G6PC1: variants seen among roughly 807,000 people sequenced by gnomAD.
G6PC1 encodes glucose-6-phosphatase catalytic subunit 1.
Under a neutral mutation model 30.4 loss-of-function variants are expected in G6PC1, and 23 were observed. That is an observed-to-expected ratio of 0.76 (90% CI 0.55 to 1.07). The LOEUF is 1.07. Among genes scored for constraint, G6PC1 ranks in the 50% least tolerant of loss-of-function variants. G6PC1 has a pLI of 0.00. For synonymous variants in G6PC1, 163 were observed against 175.6 expected (o/e 0.93, Z 0.57); for missense variants, 391 against 433.9 (o/e 0.90, Z 0.88).
In G6PC1 at chr17:42,903,919, G is replaced by A. The variant is rs373908549; in HGVS notation, c.231-12G>A. On this transcript the variant is annotated splice_polypyrimidine_tract_variant and intron_variant, in intron 1 of 4. Transcript: ENST00000253801. ...TTCAGTAACCCCAGAAACTTGTTCT[G>A]TTTTTCCATAGGATTCTCTTTGGAC... 67 of 1,581,684 alleles carry A rather than the reference G, an allele frequency of 4.2e-5. No homozygotes were observed. The highest frequency in any genetic ancestry group is 5.7e-5 in the Non-Finnish European group (66 of 1,150,704).
chr17:42,911,295 C>G lies in G6PC1; in HGVS notation c.943C>G (p.Pro315Ala), dbSNP rs143321486. ...LLHVFDSLKP[P>A]SQVELVFYVL... The stretch of plus-strand genomic sequence containing the variant: ...GCACGTCTTTGACTCCTTGAAACCC[C>G]CATCCCAAGTCGAGCTGGTCTTCTA... Residue 315 changes from proline (P) to alanine (A), a missense_variant, in exon 5 of 5, where the codon CCA becomes GCA. Pro to Ala is a conservative substitution (Grantham distance 27). Transcript: ENST00000253801. 1.9e-4 allele frequency: 312 copies of G among 1,614,200 alleles called. No individual in the cohort carries two copies. Among genetic ancestry groups the G allele is most frequent in the Non-Finnish European group, 2.4e-4 (282 of 1,180,034 alleles).
intron 2 of G6PC1, among the ~76,000 whole-genome samples, chr17:42,907,267 T>C (rs161629): frequency 1 from 152,296 of 152,304 alleles, 76,144 homozygotes; most frequent in Middle Eastern, 1. Context: ...GCTTTGCTCA[T>C]CATTGTATTC....
chr17:42,914,341 G>T lies in G6PC1; in HGVS notation c.*2915G>T, dbSNP rs566449657. 1.3e-5 allele frequency among the ~76,000 whole-genome samples: 2 copies of T among 152,270 alleles called. No individual in the cohort carries two copies. Among genetic ancestry groups the T allele is most frequent in the East Asian group, 1.9e-4 (1 of 5,174 alleles). ...CAAGTCCAAGATCCTTACAAGAAAG[G>T]TCTGCCAGAAAGTAAATACTGCCCC... On this transcript the variant is annotated 3_prime_UTR_variant, in exon 5 of 5. Transcript: ENST00000253801.
chr17:42,901,820 C>T (rs536506902), intron 1 of G6PC1, among the ~76,000 whole-genome samples: 1 of 152,294 alleles, frequency 6.6e-6, no homozygotes, highest in East Asian at 1.9e-4. Flanking sequence ...GGCTCCAGCC[C>T]TCGTTCTGCC....
At chr17:42,908,408 A>AT (rs549810511) in intron 3 of G6PC1, among the ~76,000 whole-genome samples, 4,434 of 133,556 alleles carry the variant, frequency 0.033, 203 homozygotes, top group African/African-American at 0.1. Context: ...TGCCACAGGC[A>AT]TTTTTTTTTT....
In G6PC1 at chr17:42,910,912, C is replaced by G. The variant is rs1597991608; in HGVS notation, c.563-3C>G. On this transcript the variant is annotated splice_polypyrimidine_tract_variant and splice_region_variant and intron_variant, in intron 4 of 4. Transcript: ENST00000253801. ...TCTCACAGTCATGCTTTCTTCCACT[C>G]AGGCATTGCTGTTGCAGAAACTTTC... 6.2e-7 allele frequency: 1 copy of G among 1,614,100 alleles called. No homozygotes were observed. Among genetic ancestry groups the G allele is most frequent in the Non-Finnish European group, 8.5e-7 (1 of 1,179,954 alleles).
chr17:42,911,311 T>C lies in G6PC1; in HGVS notation c.959T>C (p.Leu320Pro). ...DSLKPPSQVE[L>P]VFYVLSFCKS... ...TTGAAACCCCCATCCCAAGTCGAGC[T>C]GGTCTTCTACGTCTTGTCCTTCTGC... Residue 320 changes from leucine (L) to proline (P), a missense_variant, in exon 5 of 5, where the codon CTG (leucine) becomes CCG (proline). By Grantham distance (98) the Leu-to-Pro change is moderately conservative. Transcript: ENST00000253801. The C allele has an allele frequency of 6.2e-7, 1 of 1,614,210 alleles. No homozygotes were observed. Among genetic ancestry groups the C allele is most frequent in the Non-Finnish European group, 8.5e-7 (1 of 1,180,034 alleles).
chr17:42,903,273 G>A (rs1052070580), intron 1 of G6PC1, among the ~76,000 whole-genome samples: 10 of 151,614 alleles, frequency 6.6e-5, no homozygotes, highest in Admixed American at 2.6e-4. Flanking sequence ...TGGTAGAAAC[G>A]GTGTTTCACC....
At position 42,914,376 on chromosome 17, in the gene G6PC1, A is replaced by T. The variant is rs1195257556; in HGVS notation, c.*2950A>T. On this transcript the variant is annotated 3_prime_UTR_variant, in exon 5 of 5. Coordinates refer to ENST00000253801, the MANE Select transcript of G6PC1 (RefSeq NM_000151.4). ...AAGTAAATACTGCCCCCACTCCCTGAAGTTTATGAGGTTGATAAGAAAACA... is the reference window on the plus strand; with the variant it reads ...AAGTAAATACTGCCCCCACTCCCTGTAGTTTATGAGGTTGATAAGAAAACA... 6.6e-6 allele frequency among the ~76,000 whole-genome samples: 1 copy of T among 152,186 alleles called. No individual in the cohort carries two copies. The highest frequency in any genetic ancestry group is 1.9e-4 in the East Asian group (1 of 5,198).
intron 2 of G6PC1, among the ~76,000 whole-genome samples, chr17:42,904,833 C>T (rs758394848): frequency 1.6e-4 from 25 of 152,276 alleles, no homozygotes; most frequent in Middle Eastern, 3.4e-3. Context: ...TAAACTAGGC[C>T]AGTTGTGGTT....
In G6PC1 at chr17:42,900,891, G is replaced by C. The variant is rs374766396; in HGVS notation, c.15G>C (p.Met5Ile). 2 of 1,613,966 alleles carry C rather than the reference G, an allele frequency of 1.2e-6. No individual in the cohort carries two copies. The highest frequency in any genetic ancestry group is 1.1e-5 in the South Asian group (1 of 91,066). The stretch of plus-strand genomic sequence containing the variant: ...AGGAAATGAGGATGGAGGAAGGAAT[G>C]AATGTTCTCCATGACTTTGGGATCC... MEEG[M>I]NVLHDFGIQS... The change falls in exon 1 of 5, where the codon ATG becomes ATC. Residue 5 changes from methionine (M) to isoleucine (I), a missense_variant. By Grantham distance (10) the Met-to-Ile change is conservative. Transcript: ENST00000253801.
chr17:42,908,540 G>A (rs953628553), intron 3 of G6PC1, among the ~76,000 whole-genome samples: 3 of 151,190 alleles, frequency 2.0e-5, no homozygotes, highest in African/African-American at 4.9e-5. Flanking sequence ...CCGAGTAGCT[G>A]GGACTACAGG....
chr17:42,909,200 G>A, intron 3 of G6PC1, 103 bp from the exon 4 acceptor site: 1 of 882,294 alleles, frequency 1.1e-6, no homozygotes, highest in South Asian at 1.3e-5. Flanking sequence ...AAATTCCACT[G>A]AGAGCACCTA....
rs767184894 is a variant in G6PC1 at position 42,911,086 on chromosome 17, G to A, written c.734G>A (p.Cys245Tyr). 1 of 1,614,152 alleles carries A rather than the reference G, an allele frequency of 6.2e-7. No homozygotes were observed. The highest frequency in any genetic ancestry group is 8.5e-7 in the Non-Finnish European group (1 of 1,180,024). Residue 245 changes from cysteine (C) to tyrosine (Y), a missense_variant, in exon 5 of 5, where the codon TGC becomes TAC. Cys to Tyr is a radical substitution (Grantham distance 194, BLOSUM62 -2). Transcript: ENST00000253801. ...ACTCTGGAGAAAGCCCAGAGGTGGT[G>A]CGAGCAGCCAGAATGGGTCCACATT... ...LWTLEKAQRW[C>Y]EQPEWVHIDT...
Position 42,911,817 on chromosome 17 carries a change from T to C in G6PC1, c.*391T>C, listed in dbSNP as rs543413807. On this transcript the variant is annotated 3_prime_UTR_variant, in exon 5 of 5. Coordinates refer to ENST00000253801, the MANE Select transcript of G6PC1 (RefSeq NM_000151.4). ...GTGCTGTCAGCTCAGGTGGTCCTCT[T>C]TTACAATCCTAATCATATTGGGTAA... The C allele has an allele frequency of 1.6e-5, 5 of 309,968 alleles. No individual in the cohort carries two copies. The East Asian group carries it at 4.1e-4, about 25-fold the overall frequency. The allele number at this position is 309,968 out of a possible 1,614,324, so 19.2% of individuals were successfully genotyped here. A position where few individuals can be genotyped will look rare whatever the true frequency, so the allele number is the denominator to read the frequency against.
chr17:42,903,698 C>T (rs1461362500), intron 1 of G6PC1, among the ~76,000 whole-genome samples: 1 of 151,436 alleles, frequency 6.6e-6, no homozygotes, highest in Non-Finnish European at 1.5e-5. Flanking sequence ...TGAGCCAGAT[C>T]CTGTCTCAAA....
intron 2 of G6PC1, among the ~76,000 whole-genome samples, chr17:42,907,185 G>A (rs1302722565): frequency 6.6e-6 from 1 of 152,140 alleles, no homozygotes; most frequent in Non-Finnish European, 1.5e-5. Flanking sequence ...GTTTGTAATT[G>A]TACGCCCAGT....
At chr17:42,904,166 C>A in intron 2 of G6PC1, 126 bp downstream of exon 2, 1 of 749,456 alleles carries the variant, frequency 1.3e-6, no homozygotes. Flanking sequence ...CTTCAATTGG[C>A]ACAAATTAAT....
In G6PC1 at chr17:42,900,898, C is replaced by A; in HGVS notation, c.22C>A (p.Leu8Ile). 6.2e-7 allele frequency: 1 copy of A among 1,614,082 alleles called. No homozygotes were observed. The highest frequency in any genetic ancestry group is 1.1e-5 in the South Asian group (1 of 91,068). MEEGMNV[L>I]HDFGIQSTHY... Reference sequence around the variant, plus strand: ...GAGGATGGAGGAAGGAATGAATGTTCTCCATGACTTTGGGATCCAGTCAAC... The same window carrying A: ...GAGGATGGAGGAAGGAATGAATGTTATCCATGACTTTGGGATCCAGTCAAC... Residue 8 changes from leucine (L) to isoleucine (I), a missense_variant, in exon 1 of 5, where the codon CTC (leucine) becomes ATC (isoleucine). By Grantham distance (5) the Leu-to-Ile change is conservative (BLOSUM62 2). Coordinates refer to ENST00000253801, the MANE Select transcript of G6PC1 (RefSeq NM_000151.4).
Sources: gnomAD v4.1 joint callset for allele counts (sites outside exome capture counted in the v4.1 genomes callset) on GRCh38, gnomAD v4.1.1 for gene constraint, MANE v1.5 for transcripts, NCBI Gene and HGNC (gene_info 2026-07-23, HGNC 2026-07-21) for gene names.